The following TANK variants were observed in gnomAD, a reference collection of about 807,000 sequenced individuals.
TANK encodes the protein TRAF family member associated NFKB activator.
In TANK, 15 loss-of-function variants were observed where a neutral mutation model predicts 43.6. The observed-to-expected ratio is 0.34, with a 90% CI of 0.23 to 0.53. The LOEUF (loss-of-function observed/expected upper bound fraction) is 0.53. Among genes scored for constraint, TANK ranks in the 20% least tolerant of loss-of-function variants. The pLI, the probability that TANK is intolerant of heterozygous loss-of-function variation, is 0.94. For missense variants in TANK, 417 were observed against 498.6 expected (o/e 0.84, Z 1.56); for synonymous variants, 162 against 178.2 (o/e 0.91, Z 0.73).
In TANK at chr2:161,216,292, A is replaced by G. The variant is rs1687113200; in HGVS notation, c.328-7623A>G. 7.0e-6 allele frequency: 3 copies of G among 426,896 alleles called. No individual in the cohort carries two copies. The Admixed American group carries it at 8.2e-5, about 12-fold the overall frequency. The allele number at this position is 426,896 out of a possible 1,614,324, so 26.4% of individuals were successfully genotyped here. On this transcript the variant is annotated intron_variant, in intron 4 of 7. Transcript: ENST00000392749. The stretch of plus-strand genomic sequence containing the variant: ...GTTACATCTGGACCGTATGTCTGCT[A>G]GACGGCCAAATGGCCACAGTGAATC...
chr2:161,192,717 TAAGAA>T (rs769036876), intron 2 of TANK, among the ~76,000 whole-genome samples: 1 of 152,192 alleles, frequency 6.6e-6, no homozygotes, highest in East Asian at 1.9e-4. Context: ...ACTTCATAAA[TAAGAA>T]AGGAAAATTA....
chr2:161,212,847 G>C (rs974324342), intron 4 of TANK: 307 of 811,980 alleles, frequency 3.8e-4, no homozygotes, highest in Non-Finnish European at 4.4e-4. Flanking sequence ...CTGTATTGCT[G>C]TAAAGGAATA....
intron 1 of TANK, 170 bp downstream of exon 1, chr2:161,160,656 G>A (rs985187765): frequency 7.8e-6 from 4 of 514,684 alleles, no homozygotes; most frequent in South Asian, 6.9e-5. Context: ...TTTTGTGCGG[G>A]AGAAACCACG....
Position 161,217,018 on chromosome 2 carries a change from C to T in TANK, c.328-6897C>T, listed in dbSNP as rs115405343. Among the ~76,000 whole-genome samples the T allele has an allele frequency of 5.2e-3, 796 of 152,312 alleles. 6 individuals carry two copies. Among genetic ancestry groups the T allele is most frequent in the African/African-American group, 0.019 (771 of 41,566 alleles). On this transcript the variant is annotated intron_variant, in intron 4 of 7. Transcript: ENST00000392749. The stretch of plus-strand genomic sequence containing the variant: ...ATTTGTATACAGGTTTCTGTGTGAA[C>T]ATAAATTTTGAAGTGCCCAGGAGTG...
intron 6 of TANK, among the ~76,000 whole-genome samples, chr2:161,227,902 T>C (rs1448408712): frequency 1.3e-5 from 2 of 152,174 alleles, no homozygotes; most frequent in Non-Finnish European, 1.5e-5. Flanking sequence ...CCTCAGAGGC[T>C]AAAGAAATCC....
chr2:161,137,221 G>A, intron 1 of TANK: 1 of 985,394 alleles, frequency 1.0e-6, no homozygotes, highest in Non-Finnish European at 1.2e-6. Flanking sequence ...GTCATAGTTA[G>A]AAATTTGGCC....
chr2:161,181,030 A>G (rs1383304986), intron 2 of TANK, among the ~76,000 whole-genome samples: 2 of 152,066 alleles, frequency 1.3e-5, no homozygotes, highest in Non-Finnish European at 2.9e-5. Context: ...CTGGCACAGC[A>G]GGCACAACAT....
chr2:161,170,082 A>G (rs1684875590), intron 1 of TANK, among the ~76,000 whole-genome samples: 1 of 152,156 alleles, frequency 6.6e-6, no homozygotes, highest in African/African-American at 2.4e-5. Flanking sequence ...GCCTCTTTGA[A>G]TTAAAGGCAT....
chr2:161,201,569 A>C (rs1686413793), intron 2 of TANK, among the ~76,000 whole-genome samples: 2 of 152,212 alleles, frequency 1.3e-5, no homozygotes, highest in South Asian at 2.1e-4. Context: ...AAAAATAGGT[A>C]CTTATTGATT....
At chr2:161,161,544 A>C in intron 1 of TANK, 1 of 1,424,556 alleles carries the variant, frequency 7.0e-7, no homozygotes. Flanking sequence ...CCCCAGTTGT[A>C]ATCCAAGCCT....
At chr2:161,198,293 G>A (rs1558990432) in intron 2 of TANK, among the ~76,000 whole-genome samples, 1 of 152,226 alleles carries the variant, frequency 6.6e-6, no homozygotes, top group Admixed American at 6.5e-5. Context: ...TGAAGCTTGG[G>A]TGTAGTCTTT....
intron 2 of TANK, among the ~76,000 whole-genome samples, chr2:161,196,174 G>A (rs773536965): frequency 6.6e-6 from 1 of 152,202 alleles, no homozygotes; most frequent in East Asian, 1.9e-4. Context: ...ACAGCTTTCT[G>A]TATAGATAAG....
At chr2:161,161,315 G>A in intron 1 of TANK, 1 of 1,550,672 alleles carries the variant, frequency 6.4e-7, no homozygotes, top group Non-Finnish European at 8.7e-7. Flanking sequence ...TAATAAGGGA[G>A]AGATGGTAGT....
At chr2:161,218,763 TA>T (rs1687224660) in intron 4 of TANK, among the ~76,000 whole-genome samples, 1 of 152,228 alleles carries the variant, frequency 6.6e-6, no homozygotes, top group African/African-American at 2.4e-5. Flanking sequence ...CTTCATGGTG[TA>T]GTGGCATAAC....
At chr2:161,195,055 A>G (rs1033012960) in intron 2 of TANK, among the ~76,000 whole-genome samples, 1 of 152,192 alleles carries the variant, frequency 6.6e-6, no homozygotes, top group African/African-American at 2.4e-5. Flanking sequence ...AATGGAAGAT[A>G]TTTGTATCCT....
intron 1 of TANK, chr2:161,139,848 C>CAA: frequency 1.0e-6 from 1 of 985,400 alleles, no homozygotes; most frequent in African/African-American, 1.7e-5. Flanking sequence ...AGCCTTCTTC[C>CAA]TATTATGACA....
At chr2:161,138,018 C>G (rs1026021875) in intron 1 of TANK, 2 of 622,002 alleles carry the variant, frequency 3.2e-6, no homozygotes, top group African/African-American at 4.4e-5. Context: ...TTTCTCATCT[C>G]ATAAAAAGCA....
intron 6 of TANK, among the ~76,000 whole-genome samples, chr2:161,229,648 A>G (rs1687809732): frequency 6.6e-6 from 1 of 152,202 alleles, no homozygotes; most frequent in Admixed American, 6.5e-5. Flanking sequence ...CTGTGGCAAA[A>G]GACAGAGAGG....
At chr2:161,160,390 C>T (rs1684357744), upstream of TANK, 4 of 1,239,080 alleles carry the variant, frequency 3.2e-6, no homozygotes, top group East Asian at 3.1e-5. Flanking sequence ...AGGCACTGCC[C>T]TCTGAACTGG....
Sources: gnomAD v4.1 joint callset for allele counts (sites outside exome capture counted in the v4.1 genomes callset) on GRCh38, gnomAD v4.1.1 for gene constraint, MANE v1.5 for transcripts, NCBI Gene and HGNC (gene_info 2026-07-23, HGNC 2026-07-21) for gene names.